ABLIM2: variants seen among roughly 807,000 people sequenced by gnomAD.
The protein encoded by ABLIM2 is actin-binding LIM protein 2.
ABLIM2 carries 53 observed loss-of-function variants against 97.7 expected under a neutral mutation model. The ratio of observed to expected loss-of-function variants is 0.54; its 90% CI spans 0.44 to 0.68. ABLIM2 has a LOEUF of 0.68. Ranked by LOEUF, ABLIM2 falls within the 30% of genes least tolerant of loss-of-function variation. The pLI, the probability that ABLIM2 is intolerant of heterozygous loss-of-function variation, is 0.00. For synonymous variants in ABLIM2, 361 were observed against 345.8 expected (o/e 1.04, Z -0.49); for missense variants, 835 against 867.2 (o/e 0.96, Z 0.47).
chr4:8,000,547 G>C (rs775274675), intron 16 of ABLIM2, among the ~76,000 whole-genome samples: 16 of 152,118 alleles, frequency 1.1e-4, no homozygotes, highest in South Asian at 2.1e-4. Flanking sequence ...TTGAATTGTG[G>C]GTGGAGCAGC....
chr4:8,085,617 G>A lies in ABLIM2; in HGVS notation c.454+2552C>T, dbSNP rs1454432105. On this transcript the variant is annotated intron_variant, in intron 4 of 20. Transcript: ENST00000447017. This position sits in a 1 kb window ranked among gnomAD's most constrained non-coding sequence, Gnocchi z 6.1. ...TCACGCGGGTCTGGGGGGTGCCCAC[G>A]CTGCAGCCCTGTCCACTCACGCAGG... is the stretch of plus-strand genomic sequence containing the variant. Among the ~76,000 whole-genome samples, 14 of 144,522 alleles carry A rather than the reference G, an allele frequency of 9.7e-5. No homozygotes were observed. The highest frequency in any genetic ancestry group is 2.0e-4 in the Non-Finnish European group (13 of 66,644). 94.8% of individuals were successfully genotyped at this position (144,522 alleles called of 152,430 possible).
At chr4:8,134,179 T>G (rs1849844420) in intron 1 of ABLIM2, among the ~76,000 whole-genome samples, 1 of 152,176 alleles carries the variant, frequency 6.6e-6, no homozygotes, top group South Asian at 2.1e-4. Context: ...CGGAGGATGT[T>G]GAGCGGCCAT....
At chr4:7,972,840 C>T (rs1168257234) in intron 20 of ABLIM2, among the ~76,000 whole-genome samples, 1 of 152,182 alleles carries the variant, frequency 6.6e-6, no homozygotes, top group Non-Finnish European at 1.5e-5. Context: ...ACCCATGTGG[C>T]TCCAAACCTC....
At chr4:8,000,984 G>T (rs1196086704) in intron 16 of ABLIM2, among the ~76,000 whole-genome samples, 1 of 152,218 alleles carries the variant, frequency 6.6e-6, no homozygotes, top group South Asian at 2.1e-4. Flanking sequence ...GTCCGGGTCT[G>T]CTTTGTGGGC....
At chr4:8,129,473 T>C (rs1384345240) in intron 1 of ABLIM2, among the ~76,000 whole-genome samples, 1 of 152,238 alleles carries the variant, frequency 6.6e-6, no homozygotes, top group Non-Finnish European at 1.5e-5. Context: ...AATAAACACA[T>C]GTGGCCAGTA....
At chr4:8,115,219 C>T (rs1454567207) in intron 1 of ABLIM2, among the ~76,000 whole-genome samples, 1 of 152,196 alleles carries the variant, frequency 6.6e-6, no homozygotes, top group Non-Finnish European at 1.5e-5. Context: ...CAAACTACGA[C>T]CTCCTGGGAT....
intron 4 of ABLIM2, among the ~76,000 whole-genome samples, chr4:8,086,905 G>A (rs187458142): frequency 3.6e-4 from 54 of 151,866 alleles, no homozygotes; most frequent in Admixed American, 9.2e-4. Flanking sequence ...TAGCAAGCCC[G>A]GAAGCAGCGC....
At chr4:8,007,999 C>A (rs762951544) in intron 16 of ABLIM2, 60 bp downstream of exon 16, 6 of 1,597,684 alleles carry the variant, frequency 3.8e-6, no homozygotes, top group Middle Eastern at 3.4e-4. Flanking sequence ...AGTTCTGGGG[C>A]CTCTTTGCCG....
chr4:8,155,911 A>G lies in ABLIM2; in HGVS notation c.10+2769T>C, dbSNP rs7660157. Among the ~76,000 whole-genome samples, 49,096 of 151,010 alleles carry G rather than the reference A, an allele frequency of 0.33. 8,398 individuals carry two copies. Among genetic ancestry groups the G allele is most frequent in the East Asian group, 0.41 (2,105 of 5,124 alleles). On this transcript the variant is annotated intron_variant, in intron 1 of 20. Coordinates refer to ENST00000447017, the MANE Select transcript of ABLIM2 (RefSeq NM_001130083.2). The surrounding 1 kb of genome is among the most constrained non-coding windows in gnomAD (Gnocchi z 4.2). The stretch of plus-strand genomic sequence containing the variant: ...GGGCGGCCGTCCACAAGCCAAGGAG[A>G]GGGGCTTTGGAAGGAAGTAACCCAG...
chr4:8,006,271 A>C (rs1255062246), intron 16 of ABLIM2, among the ~76,000 whole-genome samples: 1 of 152,138 alleles, frequency 6.6e-6, no homozygotes, highest in Non-Finnish European at 1.5e-5. Flanking sequence ...CTTCTCCCAC[A>C]CAGCACCCCC....
Position 7,998,687 on chromosome 4 carries a change from G to A in ABLIM2, c.1619-5760C>T. 2.0e-6 allele frequency: 1 copy of A among 507,676 alleles called. No homozygotes were observed. Among genetic ancestry groups the A allele is most frequent in the Non-Finnish European group, 3.9e-6 (1 of 254,936 alleles). The allele number at this position is 507,676 out of a possible 1,614,324, so 31.4% of individuals were successfully genotyped here. A position where few individuals can be genotyped will look rare whatever the true frequency, so the allele number is the denominator to read the frequency against. ...TTTGCCACCACATGGGAGGCTGGGA[G>A]TCTGCAGGTCTGGGCCACCTCCTGC... On this transcript the variant is annotated intron_variant, in intron 16 of 20. Transcript: ENST00000447017. The surrounding 1 kb of genome is among the most constrained non-coding windows in gnomAD (Gnocchi z 6.4).
In ABLIM2 at chr4:8,019,744, A is replaced by C; in HGVS notation, c.1370-73T>G. 7.0e-7 allele frequency: 1 copy of C among 1,438,372 alleles called. No homozygotes were observed. The highest frequency in any genetic ancestry group is 9.7e-7 in the Non-Finnish European group (1 of 1,032,094). The allele number at this position is 1,438,372 out of a possible 1,614,324, so 89.1% of individuals were successfully genotyped here. A position where few individuals can be genotyped will look rare whatever the true frequency, so the allele number is the denominator to read the frequency against. ...CAAGTTGTGATGGTTTCTGTTCTAC[A>C]GCTTTTTGTAAGCAACAAGCACTCA... On this transcript the variant is annotated intron_variant, in intron 13 of 20. Coordinates refer to ENST00000447017, the MANE Select transcript of ABLIM2 (RefSeq NM_001130083.2). This position sits in a 1 kb window ranked among gnomAD's most constrained non-coding sequence, Gnocchi z 4.3.
At position 8,148,027 on chromosome 4, in the gene ABLIM2, T is replaced by C. The variant is rs947701620; in HGVS notation, c.10+10653A>G. ...CCAGCTGCAGACCAACCCCAAACTC[T>C]GGTGTGGTTCCCTGAGGCCCAGGTG... is the stretch of plus-strand genomic sequence containing the variant. On this transcript the variant is annotated intron_variant, in intron 1 of 20. Transcript: ENST00000447017. This position sits in a 1 kb window ranked among gnomAD's most constrained non-coding sequence, Gnocchi z 6.7. Among the ~76,000 whole-genome samples the C allele has an allele frequency of 2.0e-5, 3 of 152,158 alleles. No individual in the cohort carries two copies. The highest frequency in any genetic ancestry group is 2.9e-5 in the Non-Finnish European group (2 of 68,020).
At chr4:8,079,139 G>A (rs188360488) in intron 5 of ABLIM2, among the ~76,000 whole-genome samples, 8 of 152,346 alleles carry the variant, frequency 5.3e-5, no homozygotes, top group Admixed American at 4.6e-4. Flanking sequence ...ATAAGCCATC[G>A]CTCAGAGAGT....
intron 11 of ABLIM2, among the ~76,000 whole-genome samples, chr4:8,029,447 C>T (rs770209199): frequency 1.3e-5 from 2 of 152,170 alleles, no homozygotes; most frequent in Non-Finnish European, 2.9e-5. Context: ...CTCACCTCGC[C>T]CCAAGGCATG....
chr4:8,154,305 CAG>C (rs1714471943), intron 1 of ABLIM2, among the ~76,000 whole-genome samples: 4 of 120,766 alleles, frequency 3.3e-5, no homozygotes, highest in African/African-American at 6.8e-5. Flanking sequence ...TTTTTGGAGA[CAG>C]AGTCTTGCTC....
intron 4 of ABLIM2, among the ~76,000 whole-genome samples, chr4:8,084,762 T>C (rs945337898): frequency 1.3e-5 from 2 of 152,166 alleles, no homozygotes; most frequent in Non-Finnish European, 2.9e-5. Flanking sequence ...TTTTTCCCAA[T>C]TGCCAGCCTG....
At chr4:8,119,474 C>T (rs28437893) in intron 1 of ABLIM2, among the ~76,000 whole-genome samples, 1,778 of 151,910 alleles carry the variant, frequency 0.012, 40 homozygotes, top group African/African-American at 0.039. Flanking sequence ...ATTATAGGTG[C>T]GTGCCACCAC....
rs557699481 is a variant in ABLIM2 at position 8,029,781 on chromosome 4, G to A, written c.1048-5C>T. The A allele has an allele frequency of 3.8e-6, 6 of 1,569,204 alleles. No individual in the cohort carries two copies. The African/African-American group carries it at 6.8e-5, about 18-fold the overall frequency. On this transcript the variant is annotated splice_polypyrimidine_tract_variant and splice_region_variant and intron_variant, in intron 10 of 20. Transcript: ENST00000447017. ...GGACCGGTCATCCTGATCCCCCTGG[G>A]AGGGAAGATGCAGCTTGTGAACACT...
Sources: gnomAD v4.1 joint callset for allele counts (sites outside exome capture counted in the v4.1 genomes callset) on GRCh38, gnomAD v4.1.1 for gene constraint, Gnocchi (gnomAD v3.1) non-coding constraint, MANE v1.5 for transcripts, NCBI Gene and HGNC (gene_info 2026-07-23, HGNC 2026-07-21) for gene names.